RNFT2: variants seen among roughly 807,000 people sequenced by gnomAD.
RNFT2 encodes the protein ring finger protein, transmembrane 2, also known as E3 ubiquitin-protein ligase RNFT2.
RNFT2 carries 36 observed loss-of-function variants against 53.0 expected under a neutral mutation model. The observed-to-expected ratio is 0.68, with a 90% CI of 0.52 to 0.90. The LOEUF (loss-of-function observed/expected upper bound fraction) is 0.90, where lower values mean the gene tolerates loss of function less well. RNFT2 is among the 40% of genes least tolerant of loss of function. The pLI is 0.00. For missense variants in RNFT2, 514 were observed against 585.6 expected, an observed-to-expected ratio of 0.88 and a Z score of 1.26; for synonymous variants, 260 against 253.2, an observed-to-expected ratio of 1.03 and a Z score of -0.26.
rs554524136 is a variant in RNFT2 at position 116,740,940 on chromosome 12, C to A, written c.25-96C>A. On this transcript the variant is annotated intron_variant, in intron 2 of 10. Coordinates refer to ENST00000257575, the MANE Select transcript of RNFT2 (RefSeq NM_001382266.1). The stretch of plus-strand genomic sequence containing the variant: ...CAGAGAGCACTAGGGGTCTAAGATA[C>A]GACTAGTGCAGGTTTGCAGTTTACA... 1.3e-3 allele frequency: 1,300 copies of A among 1,024,052 alleles called. 1 individual carries two copies. Among genetic ancestry groups the A allele is most frequent in the Non-Finnish European group, 1.7e-3 (1,146 of 664,848 alleles). The allele number at this position is 1,024,052 out of a possible 1,614,324, so 63.4% of individuals were successfully genotyped here.
chr12:116,809,563 CAT>C (rs1238059077), intron 7 of RNFT2, among the ~76,000 whole-genome samples: 2 of 152,162 alleles, frequency 1.3e-5, no homozygotes, highest in African/African-American at 2.4e-5. Context: ...CACTGGGAGC[CAT>C]GCCAAGATGG....
intron 5 of RNFT2, among the ~76,000 whole-genome samples, chr12:116,762,457 C>T (rs1334965535): frequency 5.9e-5 from 9 of 151,894 alleles, no homozygotes; most frequent in African/African-American, 2.2e-4. Flanking sequence ...AGCACAAGTA[C>T]TGGGTATGGT....
At chr12:116,785,557 A>G (rs1401514087) in intron 7 of RNFT2, among the ~76,000 whole-genome samples, 1 of 152,060 alleles carries the variant, frequency 6.6e-6, no homozygotes, top group Non-Finnish European at 1.5e-5. Flanking sequence ...CTTCCAAAGT[A>G]CTTGTGTAAT....
chr12:116,838,991 G>C (rs554134751), intron 10 of RNFT2, among the ~76,000 whole-genome samples: 1 of 152,218 alleles, frequency 6.6e-6, no homozygotes. Flanking sequence ...AATGGGTCAT[G>C]CTGATTCCTA....
At chr12:116,756,284 C>T (rs114443504) in intron 5 of RNFT2, among the ~76,000 whole-genome samples, 2,839 of 151,862 alleles carry the variant, frequency 0.019, 90 homozygotes, top group African/African-American at 0.063. Context: ...TTTTCAACTC[C>T]GTGGTTAGGT....
chr12:116,755,428 C>T, intron 5 of RNFT2: 1 of 1,179,922 alleles, frequency 8.5e-7, no homozygotes, highest in Non-Finnish European at 1.3e-6. Context: ...GTTCCAGCAG[C>T]TCAGGCTCCT....
At chr12:116,821,070 C>T (rs961023816) in intron 7 of RNFT2, among the ~76,000 whole-genome samples, 2 of 152,130 alleles carry the variant, frequency 1.3e-5, no homozygotes, top group Non-Finnish European at 2.9e-5. Flanking sequence ...TTCCTGGCCC[C>T]TGGTAAGCGC....
chr12:116,845,504 A>G (rs1263608952), intron 10 of RNFT2, among the ~76,000 whole-genome samples: 2 of 152,122 alleles, frequency 1.3e-5, no homozygotes, highest in African/African-American at 2.4e-5. Flanking sequence ...AGAACTGGGC[A>G]TGCACCCAGC....
chr12:116,839,928 C>A (rs1381473088), intron 10 of RNFT2, among the ~76,000 whole-genome samples: 1 of 152,184 alleles, frequency 6.6e-6, no homozygotes, highest in Non-Finnish European at 1.5e-5. Context: ...TGGGCAGACA[C>A]TGAGCATGTC....
intron 7 of RNFT2, among the ~76,000 whole-genome samples, chr12:116,832,148 A>AAAAATATATATAT (rs1555209702): frequency 1.8e-5 from 1 of 55,176 alleles, no homozygotes; most frequent in African/African-American, 7.0e-5. Context: ...AAAAAAAAAA[A>AAAAATATATATAT]ATATATATAT....
chr12:116,742,166 A>G lies in RNFT2; in HGVS notation c.83+1072A>G, dbSNP rs530288508. On this transcript the variant is annotated intron_variant, in intron 3 of 10. Transcript: ENST00000257575. Reference sequence around the variant, plus strand: ...GGAAAAAGCATAGGCCACAGCCTTTATTGTGTTTTCTGGGGGAAAGAAAGG... The same window carrying G: ...GGAAAAAGCATAGGCCACAGCCTTTGTTGTGTTTTCTGGGGGAAAGAAAGG... Among the ~76,000 whole-genome samples the G allele has an allele frequency of 1.8e-4, 27 of 150,642 alleles. No individual in the cohort carries two copies. In the East Asian group the frequency reaches 5.0e-3, roughly 28 times the overall value.
At chr12:116,749,266 A>C in intron 3 of RNFT2, among the ~76,000 whole-genome samples, 3 of 120,684 alleles carry the variant, frequency 2.5e-5, no homozygotes, top group Admixed American at 8.6e-5. Context: ...CTGTGTCCTA[A>C]TCTCTTCCTC....
intron 7 of RNFT2, among the ~76,000 whole-genome samples, chr12:116,794,708 A>AGGAAG (rs1874424069): frequency 1.0e-5 from 1 of 96,072 alleles, no homozygotes; most frequent in Non-Finnish European, 2.1e-5. Flanking sequence ...AAGGGAGGAA[A>AGGAAG]GAAAGAAAGA....
intron 5 of RNFT2, among the ~76,000 whole-genome samples, chr12:116,765,133 A>G (rs1334536724): frequency 6.6e-6 from 1 of 152,140 alleles, no homozygotes; most frequent in Non-Finnish European, 1.5e-5. Flanking sequence ...GTCGCAGCTG[A>G]TTAGGAGAGA....
chr12:116,790,126 C>A (rs1175601823), intron 7 of RNFT2, among the ~76,000 whole-genome samples: 1 of 152,172 alleles, frequency 6.6e-6, no homozygotes, highest in African/African-American at 2.4e-5. Context: ...GACACAAAAA[C>A]CTATAAGCAA....
chr12:116,759,512 G>T (rs1473064862), intron 5 of RNFT2, among the ~76,000 whole-genome samples: 1 of 152,206 alleles, frequency 6.6e-6, no homozygotes, highest in Non-Finnish European at 1.5e-5. Flanking sequence ...AAGGTCTAGG[G>T]CTGAAGGCTG....
chr12:116,794,515 T>C (rs1874394304), intron 7 of RNFT2, among the ~76,000 whole-genome samples: 1 of 151,530 alleles, frequency 6.6e-6, no homozygotes, highest in South Asian at 2.1e-4. Context: ...GGAGGATTGC[T>C]TGAACCCGGG....
Position 116,754,011 on chromosome 12 carries a change from G to T in RNFT2, c.578G>T (p.Ser193Ile). The T allele has an allele frequency of 1.2e-6, 2 of 1,613,918 alleles. No homozygotes were observed. Among genetic ancestry groups the T allele is most frequent in the Non-Finnish European group, 1.7e-6 (2 of 1,179,858 alleles). Residue 193 changes from serine (S) to isoleucine (I), a missense_variant, in exon 5 of 11, where the codon AGC becomes ATC. Ser to Ile is a moderately radical substitution (Grantham distance 142, BLOSUM62 -2). Around this residue, in one of 3 missense-constraint regions of RNFT2, gnomAD observed 273 missense variants for 334.4 expected, o/e 0.82. Transcript: ENST00000257575. ...ATTGCTGTGTGCATCGGGATGGCCA[G>T]CACCTTCGCCTATGCCAACTCCACG... ...LGIAVCIGMA[S>I]TFAYANSTLR...
chr12:116,759,866 G>C (rs1276922565), intron 5 of RNFT2, among the ~76,000 whole-genome samples: 1 of 152,156 alleles, frequency 6.6e-6, no homozygotes, highest in East Asian at 1.9e-4. Flanking sequence ...GCTTTCCAGA[G>C]AGCATCAGCT....
Sources: gnomAD v4.1 joint callset for allele counts (sites outside exome capture counted in the v4.1 genomes callset) on GRCh38, gnomAD v4.1.1 for gene constraint, gnomAD v4.1.1 regional missense constraint, MANE v1.5 for transcripts, NCBI Gene and HGNC (gene_info 2026-07-23, HGNC 2026-07-21) for gene names.